YIPF7: variants seen among roughly 807,000 people sequenced by gnomAD.
YIPF7 encodes protein YIPF7.
YIPF7 carries 35 observed loss-of-function variants against 27.2 expected under a neutral mutation model. The observed-to-expected ratio is 1.29, with a 90% CI of 0.98 to 1.70. The LOEUF (loss-of-function observed/expected upper bound fraction) is 1.70, where lower values mean the gene tolerates loss of function less well. Ranked by LOEUF, YIPF7 falls within the 40% of genes most tolerant of loss-of-function variation. The probability of loss-of-function intolerance (pLI) is 0.00; values close to 1 mark genes in which losing one functional copy is unlikely to be tolerated. For synonymous variants in YIPF7, 137 were observed against 110.4 expected, an observed-to-expected ratio of 1.24 and a Z score of -1.51; for missense variants, 358 against 303.7, an observed-to-expected ratio of 1.18 and a Z score of -1.33.
chr4:44,647,884 GTGTGTGTGTGGA>G (rs1341197925), intron 2 of YIPF7, among the ~76,000 whole-genome samples: 1 of 150,720 alleles, frequency 6.6e-6, no homozygotes, highest in Non-Finnish European at 1.5e-5. Context: ...AGCTTTTAAG[GTGTGTGTGTGGA>G]TGTGTGTGTG....
At chr4:44,642,929 T>C (rs1479662388) in intron 2 of YIPF7, among the ~76,000 whole-genome samples, 1 of 152,160 alleles carries the variant, frequency 6.6e-6, no homozygotes, top group Admixed American at 6.5e-5. Flanking sequence ...TATTCCTTTA[T>C]AGTAGTGTAA....
chr4:44,629,623 G>A (rs1577733663), intron 3 of YIPF7, 75 bp from the exon 4 acceptor site: 1 of 1,098,820 alleles, frequency 9.1e-7, no homozygotes, highest in African/African-American at 1.6e-5. Flanking sequence ...ACTCTTTAAA[G>A]GTTAACATAT....
intron 3 of YIPF7, among the ~76,000 whole-genome samples, chr4:44,632,214 C>A (rs1396145499): frequency 6.6e-6 from 1 of 151,982 alleles, no homozygotes; most frequent in Non-Finnish European, 1.5e-5. Flanking sequence ...TGTAGATACT[C>A]TAATATAACA....
Position 44,646,585 on chromosome 4 carries a change from TAGATGG to T in YIPF7, c.116+3394_116+3399del, listed in dbSNP as rs1713532863. On this transcript the variant is annotated intron_variant, in intron 2 of 5. Transcript: ENST00000415895. ...AAAATATAGCCTCAGTGACTACCTA[TAGATGG>T]TTGGAAATTATCCCTATCTGAATGG... is the stretch of plus-strand genomic sequence containing the variant. Among the ~76,000 whole-genome samples, 53 of 152,318 alleles carry T rather than the reference TAGATGG, an allele frequency of 3.5e-4. 1 individual carries two copies. The highest frequency in any genetic ancestry group is 3.0e-3 in the Admixed American group (46 of 15,302).
chr4:44,648,978 T>G lies in YIPF7; in HGVS notation c.116+1007A>C, dbSNP rs560830899. On this transcript the variant is annotated intron_variant, in intron 2 of 5. Coordinates refer to ENST00000415895, the MANE Select transcript of YIPF7 (RefSeq NM_182592.3). ...GTTGAATTTTTACTTCAAATAACTATCATATTTTAACGTGTTTACCTTGAT... is the reference window on the plus strand; with the variant it reads ...GTTGAATTTTTACTTCAAATAACTAGCATATTTTAACGTGTTTACCTTGAT... Among the ~76,000 whole-genome samples, 4 of 152,288 alleles carry G rather than the reference T, an allele frequency of 2.6e-5. No homozygotes were observed. The South Asian group carries it at 8.3e-4, about 32-fold the overall frequency.
At chr4:44,633,232 T>C (rs1712983886) in intron 3 of YIPF7, among the ~76,000 whole-genome samples, 1 of 152,196 alleles carries the variant, frequency 6.6e-6, no homozygotes, top group Admixed American at 6.5e-5. Flanking sequence ...GGGACTGCTG[T>C]TCTAATACAC....
intron 4 of YIPF7, among the ~76,000 whole-genome samples, chr4:44,625,896 C>T (rs1712617346): frequency 6.6e-6 from 1 of 152,116 alleles, no homozygotes. Flanking sequence ...GTTGAATAGG[C>T]TGTCTCTGGT....
chr4:44,623,005 C>A (rs539946642), intron 5 of YIPF7, among the ~76,000 whole-genome samples: 7 of 152,282 alleles, frequency 4.6e-5, no homozygotes, highest in African/African-American at 1.7e-4. Context: ...GTGCCTAGTT[C>A]CCACTACTTC....
At chr4:44,645,497 A>G (rs1226237799) in intron 2 of YIPF7, among the ~76,000 whole-genome samples, 1 of 152,238 alleles carries the variant, frequency 6.6e-6, no homozygotes, top group Non-Finnish European at 1.5e-5. Context: ...CTCAATATTT[A>G]AGATGTCAAC....
upstream of YIPF7, among the ~76,000 whole-genome samples, chr4:44,655,524 T>C (rs944657208): frequency 5.3e-5 from 8 of 151,970 alleles, no homozygotes; most frequent in Non-Finnish European, 1.0e-4. Flanking sequence ...ACCCCAAATA[T>C]TTTCAGCTGA....
intron 4 of YIPF7, 142 bp downstream of exon 4, chr4:44,629,261 C>A: frequency 9.3e-7 from 1 of 1,074,854 alleles, no homozygotes; most frequent in South Asian, 4.2e-5. Flanking sequence ...ATATTTTTGT[C>A]ACTATGGTTA....
chr4:44,644,061 T>A (rs1219703617), intron 2 of YIPF7, among the ~76,000 whole-genome samples: 1 of 151,970 alleles, frequency 6.6e-6, no homozygotes, highest in African/African-American at 2.4e-5. Flanking sequence ...GAATGGTAGA[T>A]CCCCCAGAAA....
chr4:44,651,468 C>T, intron 1 of YIPF7, 86 bp downstream of exon 1: 1 of 761,154 alleles, frequency 1.3e-6, no homozygotes, highest in Non-Finnish European at 2.0e-6. Context: ...CTTTATGTAA[C>T]ATGACTATTG....
At chr4:44,661,203 AG>A (rs1169240024) in intron 1 of YIPF7, among the ~76,000 whole-genome samples, 1 of 152,234 alleles carries the variant, frequency 6.6e-6, no homozygotes, top group East Asian at 1.9e-4. Context: ...CCACCATTAA[AG>A]TATGGGCTCA....
intron 3 of YIPF7, among the ~76,000 whole-genome samples, chr4:44,634,470 T>A (rs975229765): frequency 6.6e-6 from 1 of 151,916 alleles, no homozygotes. Context: ...AGGCAGAGGT[T>A]GCAGAGAGCT....
intron 1 of YIPF7, among the ~76,000 whole-genome samples, chr4:44,650,507 G>GCACACACACA (rs3040316): frequency 2.6e-4 from 35 of 137,162 alleles, no homozygotes; most frequent in South Asian, 7.8e-4. Flanking sequence ...GCGCGCGCGC[G>GCACACACACA]CACACACACA....
intron 2 of YIPF7, among the ~76,000 whole-genome samples, chr4:44,660,113 CAAAAAAA>C (rs11461675): frequency 3.1e-4 from 8 of 25,522 alleles, no homozygotes; most frequent in Non-Finnish European, 5.6e-4. Context: ...GACTCTGTCT[CAAAAAAA>C]AAAAAAAAAA....
chr4:44,640,829 C>G (rs1713298452), intron 2 of YIPF7, among the ~76,000 whole-genome samples: 1 of 152,088 alleles, frequency 6.6e-6, no homozygotes, highest in South Asian at 2.1e-4. Flanking sequence ...CTAGTTCACA[C>G]CCCGGTTCTG....
intron 5 of YIPF7, among the ~76,000 whole-genome samples, chr4:44,623,173 C>T (rs1341887919): frequency 6.6e-6 from 1 of 152,168 alleles, no homozygotes; most frequent in Admixed American, 6.5e-5. Context: ...TAGATTTGTT[C>T]AACCGGTGTC....
Sources: gnomAD v4.1 joint callset for allele counts (sites outside exome capture counted in the v4.1 genomes callset) on GRCh38, gnomAD v4.1.1 for gene constraint, MANE v1.5 for transcripts, NCBI Gene and HGNC (gene_info 2026-07-23, HGNC 2026-07-21) for gene names.